DPH7: variants seen among roughly 807,000 people sequenced by gnomAD.
DPH7 encodes the protein diphthamide biosynthesis 7, also known as diphthine methyltransferase.
In DPH7, 44 loss-of-function variants were observed where a neutral mutation model predicts 41.7. That is an observed-to-expected ratio of 1.05 (90% confidence interval 0.83 to 1.36). The LOEUF (loss-of-function observed/expected upper bound fraction) is 1.36, where lower values mean the gene tolerates loss of function less well. Among genes scored for constraint, DPH7 ranks in the 40% most tolerant of loss-of-function variants. The pLI is 0.00. For synonymous variants in DPH7, 275 were observed against 238.0 expected (o/e 1.16, Z -1.43); for missense variants, 629 against 577.5 (o/e 1.09, Z -0.91).
intron 5 of DPH7, 84 bp from the exon 6 acceptor site, chr9:137,565,238 C>T: frequency 3.7e-6 from 5 of 1,362,196 alleles, no homozygotes; most frequent in Non-Finnish European, 5.1e-6. Context: ...TGTGAGGAAG[C>T]TCCCCGGGGT....
chr9:137,562,293 C>G (rs920853402), intron 8 of DPH7, among the ~76,000 whole-genome samples: 6 of 152,150 alleles, frequency 3.9e-5, no homozygotes, highest in African/African-American at 1.4e-4. Context: ...CACACGTCCG[C>G]AAGTGCACAG....
intron 3 of DPH7, 142 bp downstream of exon 3, chr9:137,575,937 TC>T (rs1841302644): frequency 6.8e-7 from 1 of 1,464,298 alleles, no homozygotes; most frequent in Non-Finnish European, 9.0e-7. Context: ...AAAAATAGAC[TC>T]CACATTATCT....
intron 5 of DPH7, among the ~76,000 whole-genome samples, chr9:137,573,852 G>C (rs1189299700): frequency 6.6e-6 from 1 of 152,114 alleles, no homozygotes; most frequent in African/African-American, 2.4e-5. Context: ...CGCATCATGA[G>C]GTCAGGAGAT....
At position 137,578,856 on chromosome 9, in the gene DPH7, A is replaced by C. The variant is rs931155953; in HGVS notation, c.-79T>G. The C allele has an allele frequency of 5.4e-6, 7 of 1,308,072 alleles. No homozygotes were observed. The highest frequency in any genetic ancestry group is 5.7e-4 in the Middle Eastern group (2 of 3,524). 81.0% of individuals were successfully genotyped at this position (1,308,072 alleles called of 1,614,324 possible). On this transcript the variant is annotated 5_prime_UTR_variant, in exon 1 of 9. Transcript: ENST00000277540. Reference sequence around the variant, plus strand: ...GGGCTGGGTACTGCGCGGGGCGGCGAGGCCGGGGCCGGCCGGACGAGCGCA... The same window carrying C: ...GGGCTGGGTACTGCGCGGGGCGGCGCGGCCGGGGCCGGCCGGACGAGCGCA...
Position 137,577,583 on chromosome 9 carries a change from C to A in DPH7, c.174G>T (p.Glu58Asp). The A allele has an allele frequency of 6.2e-7, 1 of 1,613,862 alleles. No individual in the cohort carries two copies. Among genetic ancestry groups the A allele is most frequent in the African/African-American group, 1.3e-5 (1 of 75,040 alleles). The change falls in exon 2 of 9, where the codon GAG becomes GAT. Residue 58 changes from glutamate (E) to aspartate (D), a missense_variant. Physicochemically the swap from Glu to Asp is conservative, Grantham distance 45. Transcript: ENST00000277540. ...PQNKGGMEVKEPQVRLGRLFL... is the reference protein window; with the variant it reads ...PQNKGGMEVKDPQVRLGRLFL... ...AGAGACGGCCTAAACGGACCTGAGG[C>A]TCCTTAACTTCCATTCCACCCTACA...
chr9:137,559,163 C>T (rs1295745213), intron 8 of DPH7, among the ~76,000 whole-genome samples: 3 of 152,150 alleles, frequency 2.0e-5, no homozygotes, highest in African/African-American at 7.2e-5. Context: ...TAATAATCCT[C>T]GCTCTACAAT....
At chr9:137,560,631 G>T (rs1444194867) in intron 8 of DPH7, among the ~76,000 whole-genome samples, 2 of 152,160 alleles carry the variant, frequency 1.3e-5, no homozygotes, top group African/African-American at 2.4e-5. Context: ...GAGGCGGGCG[G>T]ATCACGAGGT....
chr9:137,560,567 A>G lies in DPH7; in HGVS notation c.949+3867T>C, dbSNP rs557871981. Among the ~76,000 whole-genome samples the G allele has an allele frequency of 1.4e-4, 21 of 152,122 alleles. No individual in the cohort carries two copies. In the East Asian group the frequency reaches 3.7e-3, roughly 27 times the overall value. ...AACCCTGTCTCTAATAAAAATACAA[A>G]AAATTGGCCAGGCAGGGTGGCTCAC... On this transcript the variant is annotated intron_variant, in intron 8 of 8. Coordinates refer to ENST00000277540, the MANE Select transcript of DPH7 (RefSeq NM_138778.5).
intron 7 of DPH7, 109 bp from the exon 8 acceptor site, chr9:137,564,715 C>G: frequency 6.7e-7 from 1 of 1,494,490 alleles, no homozygotes; most frequent in Admixed American, 1.9e-5. Context: ...CCATGCATCC[C>G]TCGAGGACAA....
chr9:137,564,668 C>T lies in DPH7; in HGVS notation c.777-62G>A, dbSNP rs762801005. The T allele has an allele frequency of 3.8e-6, 6 of 1,572,372 alleles. No individual in the cohort carries two copies. In the African/African-American group the frequency reaches 4.1e-5, roughly 11 times the overall value. ...GCCCAGGCTCACCTGTTCCACAAGG[C>T]CCCTGGGGGGCACAGAACGTCTCCC... On this transcript the variant is annotated intron_variant, in intron 7 of 8. Transcript: ENST00000277540.
At chr9:137,578,005 G>T (rs947415882) in intron 1 of DPH7, 9 of 985,282 alleles carry the variant, frequency 9.1e-6, no homozygotes, top group Non-Finnish European at 1.1e-5. Context: ...CCTGTATATA[G>T]AAGACGTTCT....
intron 8 of DPH7, among the ~76,000 whole-genome samples, chr9:137,563,091 G>C (rs969095394): frequency 6.6e-6 from 1 of 152,164 alleles, no homozygotes; most frequent in African/African-American, 2.4e-5. Context: ...GCTGCAGTGA[G>C]CTACAATTGC....
rs1243133885 is a variant in DPH7 at position 137,565,170 on chromosome 9, G to A, written c.641-16C>T. 6.2e-7 allele frequency: 1 copy of A among 1,613,696 alleles called. No homozygotes were observed. Among genetic ancestry groups the A allele is most frequent in the Non-Finnish European group, 8.5e-7 (1 of 1,179,774 alleles). On this transcript the variant is annotated splice_polypyrimidine_tract_variant and intron_variant, in intron 5 of 8. Transcript: ENST00000277540. The stretch of plus-strand genomic sequence containing the variant: ...TCGTCGCCCCCTGTGTGGAGAAAGA[G>A]AAGCATCAACACCACTAATGACAGG...
intron 8 of DPH7, among the ~76,000 whole-genome samples, chr9:137,555,947 A>G (rs1837434194): frequency 6.6e-6 from 1 of 152,248 alleles, no homozygotes; most frequent in Non-Finnish European, 1.5e-5. Context: ...GAAAGACCTC[A>G]GTTAACACTT....
chr9:137,563,202 A>T (rs192279830), intron 8 of DPH7, among the ~76,000 whole-genome samples: 13 of 152,072 alleles, frequency 8.5e-5, no homozygotes, highest in African/African-American at 3.1e-4. Flanking sequence ...TAACAGAAAC[A>T]ATACAGAAGA....
chr9:137,564,932 T>G lies in DPH7; in HGVS notation c.737A>C (p.Gln246Pro). The G allele has an allele frequency of 6.3e-7, 1 of 1,596,986 alleles. No individual in the cohort carries two copies. Among genetic ancestry groups the G allele is most frequent in the Non-Finnish European group, 8.5e-7 (1 of 1,171,608 alleles). ...KRHTMGVCSIQSSPHREHILA... is the reference protein window; with the variant it reads ...KRHTMGVCSIPSSPHREHILA... Reference sequence around the variant, plus strand: ...GATGTGCTCCCGATGAGGGCTGCTCTGGATGCTGCACACACCCATGGTGTG... The same window carrying G: ...GATGTGCTCCCGATGAGGGCTGCTCGGGATGCTGCACACACCCATGGTGTG... The change falls in exon 7 of 9, where the codon CAG (glutamine) becomes CCG (proline). Residue 246 changes from glutamine (Q) to proline (P), a missense_variant. Gln to Pro is a moderately conservative substitution (Grantham distance 76). Coordinates refer to ENST00000277540, the MANE Select transcript of DPH7 (RefSeq NM_138778.5).
In DPH7 at chr9:137,574,851, A is replaced by G. The variant is rs761819091; in HGVS notation, c.376-8T>C. ...CTCCAGCACGTGGCTCTTCTACTGGAGAAGAAGAAACTCCATCAAAGGGAA... is the reference window on the plus strand; with the variant it reads ...CTCCAGCACGTGGCTCTTCTACTGGGGAAGAAGAAACTCCATCAAAGGGAA... On this transcript the variant is annotated splice_polypyrimidine_tract_variant and splice_region_variant and intron_variant, in intron 3 of 8. Transcript: ENST00000277540. 13 of 1,613,256 alleles carry G rather than the reference A, an allele frequency of 8.1e-6. No individual in the cohort carries two copies. Among genetic ancestry groups the G allele is most frequent in the Non-Finnish European group, 1.1e-5 (13 of 1,179,770 alleles).
chr9:137,578,687 G>A lies in DPH7; in HGVS notation c.91C>T (p.Leu31=). The part of the protein sequence containing the change: ...WCPLQGCRHL[L]ACGTYQLRRP... Reference sequence around the variant, plus strand: ...CGCAGCTGGTAGGTCCCGCACGCCAGCAGGTGCCTGCAGCCTTGCAGCGGG... The same window carrying A: ...CGCAGCTGGTAGGTCCCGCACGCCAACAGGTGCCTGCAGCCTTGCAGCGGG... Residue 31 remains leucine, a synonymous_variant, in exon 1 of 9, where the codon CTG becomes TTG. Coordinates refer to ENST00000277540, the MANE Select transcript of DPH7 (RefSeq NM_138778.5). 2 of 1,528,042 alleles carry A rather than the reference G, an allele frequency of 1.3e-6. No individual in the cohort carries two copies. Among genetic ancestry groups the A allele is most frequent in the Non-Finnish European group, 1.8e-6 (2 of 1,138,828 alleles). 94.7% of individuals were successfully genotyped at this position (1,528,042 alleles called of 1,614,324 possible).
chr9:137,578,399 C>G, intron 1 of DPH7: 2 of 444,636 alleles, frequency 4.5e-6, no homozygotes, highest in South Asian at 3.3e-5. Flanking sequence ...ATCTCCTGAC[C>G]TCGTGATCCG....
Sources: allele counts gnomAD v4.1 joint callset (sites outside exome capture counted in the v4.1 genomes callset), GRCh38; gene constraint gnomAD v4.1.1; transcripts MANE v1.5; gene names NCBI Gene and HGNC (gene_info 2026-07-23, HGNC 2026-07-21).